MUL1: variants seen among roughly 807,000 people sequenced by gnomAD.
The protein encoded by MUL1 is mitochondrial E3 ubiquitin protein ligase 1.
MUL1 carries 30 observed loss-of-function variants against 34.1 expected under a neutral mutation model. That is an observed-to-expected ratio of 0.88 (90% CI 0.66 to 1.19). The LOEUF is 1.19. Among genes scored for constraint, MUL1 ranks in the 50% most tolerant of loss-of-function variants. The pLI is 0.00. For synonymous variants in MUL1, 191 were observed against 187.8 expected, an observed-to-expected ratio of 1.02 and a Z score of -0.14; for missense variants, 419 against 450.5, an observed-to-expected ratio of 0.93 and a Z score of 0.63.
chr1:20,503,874 A>ATTT, intron 1 of MUL1, among the ~76,000 whole-genome samples: 2 of 141,746 alleles, frequency 1.4e-5, no homozygotes, highest in South Asian at 4.5e-4. Context: ...GCCATTCTAC[A>ATTT]TTTTTTTTTT....
chr1:20,502,219 A>G, intron 2 of MUL1, 30 bp from the exon 3 acceptor site: 1 of 1,613,164 alleles, frequency 6.2e-7, no homozygotes, highest in Non-Finnish European at 8.5e-7. Flanking sequence ...ATTATTTCTG[A>G]AGAAGTTTTC....
At position 20,500,728 on chromosome 1, in the gene MUL1, G is replaced by T; in HGVS notation, c.1021C>A (p.Gln341Lys). 6.2e-7 allele frequency: 1 copy of T among 1,604,064 alleles called. No homozygotes were observed. Among genetic ancestry groups the T allele is most frequent in the Non-Finnish European group, 8.5e-7 (1 of 1,174,488 alleles). The change falls in exon 4 of 4, where the codon CAG (glutamine) becomes AAG (lysine). Residue 341 changes from glutamine to lysine, a missense_variant. Physicochemically the swap from Gln to Lys is moderately conservative, Grantham distance 53. Coordinates refer to ENST00000264198, the MANE Select transcript of MUL1 (RefSeq NM_024544.3). ...PEPKKCPICR[Q>K]AITRVIPLYN... is the part of the protein sequence containing the mutation. ...AGGGGTATCACCCGGGTGATCGCCT[G>T]TCTGCAGATAGGGCACTTCTTGGGC...
At chr1:20,503,387 AAAAAG>A in intron 1 of MUL1, 78 bp from the exon 2 acceptor site, 1 of 822,894 alleles carries the variant, frequency 1.2e-6, no homozygotes, top group Non-Finnish European at 1.9e-6. Context: ...CAAAAAAAAG[AAAAAG>A]ATTCTATTTT....
chr1:20,500,855 C>T lies in MUL1; in HGVS notation c.894G>A (p.Leu298=). 6.2e-7 allele frequency: 1 copy of T among 1,614,184 alleles called. No individual in the cohort carries two copies. The highest frequency in any genetic ancestry group is 8.5e-7 in the Non-Finnish European group (1 of 1,180,024). ...TCAGACACACTACACAGGCGCTCTTCAGACTCTCCCTGTCCTCAGGCTTGG... is the reference window on the plus strand; with the variant it reads ...TCAGACACACTACACAGGCGCTCTTTAGACTCTCCCTGTCCTCAGGCTTGG... ...SRAKPEDRES[L]KSACVVCLSS... Residue 298 remains leucine (L), a synonymous_variant, in exon 4 of 4, where the codon CTG becomes CTA. Transcript: ENST00000264198.
chr1:20,500,401 A>C lies in MUL1; in HGVS notation c.*289T>G. The C allele has an allele frequency of 3.5e-6, 1 of 285,768 alleles. No homozygotes were observed. Among genetic ancestry groups the C allele is most frequent in the South Asian group, 1.1e-4 (1 of 8,742 alleles). 17.7% of individuals were successfully genotyped at this position (285,768 alleles called of 1,614,324 possible). On this transcript the variant is annotated 3_prime_UTR_variant, in exon 4 of 4. Coordinates refer to ENST00000264198, the MANE Select transcript of MUL1 (RefSeq NM_024544.3). ...GGCTTTGGTGCTTAAGTGATGAGGC[A>C]TTTTCAGTCACACTCGCACTGATCT... is the stretch of plus-strand genomic sequence containing the variant.
chr1:20,505,604 A>G (rs1197263608), intron 1 of MUL1, among the ~76,000 whole-genome samples: 4 of 149,214 alleles, frequency 2.7e-5, no homozygotes, highest in African/African-American at 7.4e-5. Context: ...AAAAAAAAAA[A>G]AAGAAGAGGA....
chr1:20,502,007 G>C, intron 3 of MUL1, 62 bp downstream of exon 3: 1 of 1,605,192 alleles, frequency 6.2e-7, no homozygotes, highest in Non-Finnish European at 8.5e-7. Context: ...ACAGCACCCA[G>C]GACCCCAGCA....
Position 20,501,359 on chromosome 1 carries a change from G to A in MUL1, c.390C>T (p.Pro130=). The A allele has an allele frequency of 6.2e-7, 1 of 1,614,138 alleles. No homozygotes were observed. The highest frequency in any genetic ancestry group is 8.5e-7 in the Non-Finnish European group (1 of 1,180,040). Residue 130 remains proline, a synonymous_variant, in exon 4 of 4, where the codon CCC becomes CCT. Transcript: ENST00000264198. This position sits in a 1 kb window ranked among gnomAD's most constrained non-coding sequence, Gnocchi z 4.2. ...CAGCCACATCCACGCCATCCTCGTG[G>A]GGCACCAGGTCAAAGGGCACTGTGT... ...RTNTVPFDLV[P]HEDGVDVAVR... is the part of the protein sequence containing the mutation.
rs544005741 is a variant in MUL1 at position 20,508,034 on chromosome 1, G to A, written c.-10C>T. On this transcript the variant is annotated 5_prime_UTR_variant, in exon 1 of 4. Coordinates refer to ENST00000264198, the MANE Select transcript of MUL1 (RefSeq NM_024544.3). ...GCCCTCCGCTCTCCATGACGGCGGC[G>A]AGCCCCGGTGGCCGACTGTGGCGCC... The A allele has an allele frequency of 1.1e-5, 17 of 1,578,624 alleles. No individual in the cohort carries two copies. The highest frequency in any genetic ancestry group is 5.8e-5 in the South Asian group (5 of 86,056).
rs1014452274 is a variant in MUL1 at position 20,500,653 on chromosome 1, G to A, written c.*37C>T. 3.3e-6 allele frequency: 5 copies of A among 1,524,398 alleles called. No individual in the cohort carries two copies. Among genetic ancestry groups the A allele is most frequent in the Non-Finnish European group, 4.4e-6 (5 of 1,135,580 alleles). The allele number at this position is 1,524,398 out of a possible 1,614,324, so 94.4% of individuals were successfully genotyped here. ...ATAAAAATCCCTGAAAAGGGGGCAGGGGTGCTTCCAGGTCAAGCTGTGCGG... is the reference window on the plus strand; with the variant it reads ...ATAAAAATCCCTGAAAAGGGGGCAGAGGTGCTTCCAGGTCAAGCTGTGCGG... On this transcript the variant is annotated 3_prime_UTR_variant, in exon 4 of 4. Transcript: ENST00000264198.
chr1:20,500,508 T>G lies in MUL1; in HGVS notation c.*182A>C, dbSNP rs1570331192. ...CACATGGACAGGGTCCCCTCTCAGG[T>G]GGGAAAGGCAGCATCCTGCCATTGG... On this transcript the variant is annotated 3_prime_UTR_variant, in exon 4 of 4. Transcript: ENST00000264198. 1.4e-6 allele frequency: 1 copy of G among 735,032 alleles called. No individual in the cohort carries two copies. The highest frequency in any genetic ancestry group is 2.4e-5 in the South Asian group (1 of 41,612). The allele number at this position is 735,032 out of a possible 1,614,324, so 45.5% of individuals were successfully genotyped here.
rs1329595776 is a variant in MUL1 at position 20,508,030 on chromosome 1, C to T, written c.-6G>A. ...GGCCGCCCTCCGCTCTCCATGACGG[C>T]GGCGAGCCCCGGTGGCCGACTGTGG... On this transcript the variant is annotated 5_prime_UTR_variant, in exon 1 of 4. Transcript: ENST00000264198. The T allele has an allele frequency of 3.2e-6, 5 of 1,578,564 alleles. No individual in the cohort carries two copies. The African/African-American group carries it at 4.0e-5, about 13-fold the overall frequency.
rs374704235 is a variant in MUL1 at position 20,500,883 on chromosome 1, C to T, written c.866G>A (p.Arg289Gln). Residue 289 changes from arginine to glutamine, a missense_variant, in exon 4 of 4, where the codon CGA becomes CAA. Physicochemically the swap from Arg to Gln is conservative, Grantham distance 43. Coordinates refer to ENST00000264198, the MANE Select transcript of MUL1 (RefSeq NM_024544.3). ...ACTCTCCCTGTCCTCAGGCTTGGCT[C>T]GGCTCAGCAGCTGGGCCTCATGCTC... Reference protein sequence around the residue: ...FQEHEAQLLSRAKPEDRESLK... With the variant: ...FQEHEAQLLSQAKPEDRESLK... 1.3e-5 allele frequency: 21 copies of T among 1,614,092 alleles called. 1 individual carries two copies. The highest frequency in any genetic ancestry group is 1.8e-5 in the Non-Finnish European group (21 of 1,179,970).
intron 1 of MUL1, among the ~76,000 whole-genome samples, chr1:20,505,344 G>A (rs2051703049): frequency 1.3e-5 from 2 of 151,946 alleles, no homozygotes; most frequent in African/African-American, 2.4e-5. Flanking sequence ...CAGCACTTTG[G>A]GAGTCCAAAG....
At position 20,503,143 on chromosome 1, in the gene MUL1, C is replaced by A. The variant is rs1482200573; in HGVS notation, c.208+79G>T. On this transcript the variant is annotated intron_variant, in intron 2 of 3. Transcript: ENST00000264198. The stretch of plus-strand genomic sequence containing the variant: ...CATGGACCCAACACCACAAAAGGCT[C>A]TTCATATTAGCCAAGATGATCTTTA... 2.9e-6 allele frequency: 3 copies of A among 1,050,228 alleles called. No individual in the cohort carries two copies. In the African/African-American group the frequency reaches 4.8e-5, roughly 17 times the overall value. 65.1% of individuals were successfully genotyped at this position (1,050,228 alleles called of 1,614,324 possible). A position where few individuals can be genotyped will look rare whatever the true frequency, so the allele number is the denominator to read the frequency against.
chr1:20,502,124 G>C lies in MUL1; in HGVS notation c.274C>G (p.Gln92Glu). 2 of 1,614,136 alleles carry C rather than the reference G, an allele frequency of 1.2e-6. No homozygotes were observed. Among genetic ancestry groups the C allele is most frequent in the Non-Finnish European group, 1.7e-6 (2 of 1,180,032 alleles). The change falls in exon 3 of 4, where the codon CAG (glutamine) becomes GAG (glutamate). Residue 92 changes from glutamine (Q) to glutamate (E), a missense_variant. Transcript: ENST00000264198. The part of the protein sequence containing the change: ...QFVENCKGVI[Q>E]RLTLQEHKMV... ...TTGTGCTCCTGAAGTGTCAGCCGCTGAATTACCCCCTTGCAGTTTTCCACA... is the reference window on the plus strand; with the variant it reads ...TTGTGCTCCTGAAGTGTCAGCCGCTCAATTACCCCCTTGCAGTTTTCCACA...
In MUL1 at chr1:20,500,443, C is replaced by T. The variant is rs560337065; in HGVS notation, c.*247G>A. 1.6e-5 allele frequency: 7 copies of T among 440,386 alleles called. No homozygotes were observed. The highest frequency in any genetic ancestry group is 1.1e-4 in the East Asian group (3 of 28,224). The allele number at this position is 440,386 out of a possible 1,614,324, so 27.3% of individuals were successfully genotyped here. ...CACTGATCTGGCTCCTGGGAGGAGA[C>T]GCCACGGCATCCTCCCAGGGTGAGG... On this transcript the variant is annotated 3_prime_UTR_variant, in exon 4 of 4. Transcript: ENST00000264198.
intron 2 of MUL1, among the ~76,000 whole-genome samples, chr1:20,502,515 C>T (rs530911538): frequency 1.3e-5 from 2 of 151,652 alleles, no homozygotes; most frequent in East Asian, 3.9e-4. Context: ...CACCACCATA[C>T]TACAGCTACC....
At position 20,502,224 on chromosome 1, in the gene MUL1, G is replaced by A. The variant is rs113925663; in HGVS notation, c.209-35C>T. Reference sequence around the variant, plus strand: ...CACAAATTCTATTATTTCTGAAGAAGTTTTCTGCCCTCTCCTTTCAGATAA... The same window carrying A: ...CACAAATTCTATTATTTCTGAAGAAATTTTCTGCCCTCTCCTTTCAGATAA... On this transcript the variant is annotated intron_variant, in intron 2 of 3. Transcript: ENST00000264198. 18 of 1,612,956 alleles carry A rather than the reference G, an allele frequency of 1.1e-5. No homozygotes were observed. In the South Asian group the frequency reaches 1.6e-4, roughly 15 times the overall value.
Sources: gnomAD v4.1 joint callset for allele counts (sites outside exome capture counted in the v4.1 genomes callset) on GRCh38, gnomAD v4.1.1 for gene constraint, Gnocchi (gnomAD v3.1) non-coding constraint, MANE v1.5 for transcripts, NCBI Gene and HGNC (gene_info 2026-07-23, HGNC 2026-07-21) for gene names.